Variants in NFASC observed in about 807,000 individuals in gnomAD.
NFASC encodes neurofascin, also known as neurofascin homolog.
In NFASC, 43 loss-of-function variants were observed where a neutral mutation model predicts 147.5. That is an observed-to-expected ratio of 0.29 (90% CI 0.23 to 0.38). The LOEUF (loss-of-function observed/expected upper bound fraction) is 0.38. Among genes scored for constraint, NFASC ranks in the 10% least tolerant of loss-of-function variants. The probability of loss-of-function intolerance (pLI) is 1.00; values close to 1 mark genes in which losing one functional copy is unlikely to be tolerated. For synonymous variants in NFASC, 622 were observed against 665.5 expected (o/e 0.93, Z 1.01); for missense variants, 1,320 against 1,689.0 (o/e 0.78, Z 3.83).
chr1:204,838,917 C>G (rs1207958757), intron 1 of NFASC, among the ~76,000 whole-genome samples: 5 of 152,202 alleles, frequency 3.3e-5, no homozygotes, highest in Non-Finnish European at 7.3e-5. Context: ...AAATGCCAAG[C>G]AAGAGGTAAG....
intron 2 of NFASC, among the ~76,000 whole-genome samples, chr1:204,939,040 GTGTGTGTGT>G (rs1216651544): frequency 1.7e-5 from 2 of 115,650 alleles, no homozygotes; most frequent in Non-Finnish European, 3.6e-5. Flanking sequence ...ATGGATGGAT[GTGTGTGTGT>G]GTGTGTGTGT....
chr1:204,846,306 A>G (rs1391742890), intron 1 of NFASC, among the ~76,000 whole-genome samples: 1 of 152,140 alleles, frequency 6.6e-6, no homozygotes, highest in Non-Finnish European at 1.5e-5. Flanking sequence ...GGGAATTGGA[A>G]TCCATTTCTC....
In NFASC at chr1:204,974,181, G is replaced by A. The variant is rs1326022819; in HGVS notation, c.1282G>A (p.Val428Met). The change falls in exon 13 of 30, where the codon GTG (valine) becomes ATG (methionine). Residue 428 changes from valine (V) to methionine (M), a missense_variant and splice_region_variant. Around this residue, in one of 3 missense-constraint regions of NFASC, gnomAD observed 981 missense variants for 1,289.5 expected, o/e 0.76. Coordinates refer to ENST00000339876, the MANE Select transcript of NFASC (RefSeq NM_001005388.3). ...GATTGCTTCTCTGGGAATTTCAGAT[G>A]TGCCGCCTCGGATGCTGTCGCCCCG... Reference protein sequence around the residue: ...LANAFVSVLDVPPRMLSPRNQ... With the variant: ...LANAFVSVLDMPPRMLSPRNQ... 1 of 1,613,268 alleles carries A rather than the reference G, an allele frequency of 6.2e-7. No individual in the cohort carries two copies.
At chr1:204,882,649 C>A (rs1047459001) in intron 1 of NFASC, among the ~76,000 whole-genome samples, 2 of 152,104 alleles carry the variant, frequency 1.3e-5, no homozygotes, top group African/African-American at 4.8e-5. Context: ...CTTGTTTACC[C>A]CTGAATCCCA....
intron 1 of NFASC, among the ~76,000 whole-genome samples, chr1:204,877,678 A>G (rs1250779782): frequency 1.3e-5 from 2 of 152,078 alleles, no homozygotes; most frequent in Non-Finnish European, 2.9e-5. Flanking sequence ...ATTTATCAAT[A>G]TATACTACAT....
intron 21 of NFASC, among the ~76,000 whole-genome samples, chr1:204,984,970 C>A (rs1297992360): frequency 6.6e-6 from 1 of 152,172 alleles, no homozygotes; most frequent in Non-Finnish European, 1.5e-5. Context: ...GCAAGAGAGG[C>A]TAGTCTCTTC....
chr1:204,995,102 A>G (rs547488763), intron 24 of NFASC, among the ~76,000 whole-genome samples: 58 of 152,318 alleles, frequency 3.8e-4, no homozygotes, highest in Admixed American at 7.2e-4. Context: ...CCTGGGTGAC[A>G]GAGCAAGATC....
At chr1:204,941,743 C>T (rs1267776846) in intron 2 of NFASC, among the ~76,000 whole-genome samples, 4 of 152,196 alleles carry the variant, frequency 2.6e-5, no homozygotes, top group Non-Finnish European at 5.9e-5. Flanking sequence ...CCTGTGATGC[C>T]TTCTAGCCAG....
chr1:205,017,552 A>G lies in NFASC; in HGVS notation c.*1013A>G, dbSNP rs2096371599. 6.5e-6 allele frequency: 1 copy of G among 152,806 alleles called. No homozygotes were observed. The highest frequency in any genetic ancestry group is 6.5e-5 in the Admixed American group (1 of 15,306). The allele number at this position is 152,806 out of a possible 1,614,324, so 9.5% of individuals were successfully genotyped here. A position where few individuals can be genotyped will look rare whatever the true frequency, so the allele number is the denominator to read the frequency against. ...AGAGGGCCACACCCACCCTGTCCAGAGTAGAGGGCACCTGTCCACGTGGCC... is the reference window on the plus strand; with the variant it reads ...AGAGGGCCACACCCACCCTGTCCAGGGTAGAGGGCACCTGTCCACGTGGCC... On this transcript the variant is annotated 3_prime_UTR_variant, in exon 30 of 30. Transcript: ENST00000339876.
At chr1:204,997,034 C>T (rs943883808) in intron 24 of NFASC, 136 bp from the exon 25 acceptor site, 16 of 1,357,296 alleles carry the variant, frequency 1.2e-5, no homozygotes, top group South Asian at 8.6e-5. Flanking sequence ...TGACCCAGTC[C>T]GTTATGCTTG....
At chr1:204,912,766 C>T (rs1020937674) in intron 1 of NFASC, among the ~76,000 whole-genome samples, 2 of 152,170 alleles carry the variant, frequency 1.3e-5, no homozygotes, top group African/African-American at 4.8e-5. Flanking sequence ...TGCCTGTAAT[C>T]CCAACACTTT....
chr1:204,977,299 T>C (rs1273486132), intron 16 of NFASC, among the ~76,000 whole-genome samples: 2 of 152,122 alleles, frequency 1.3e-5, no homozygotes, highest in East Asian at 3.9e-4. Context: ...GGACTGTAAA[T>C]ACTAAGCTAA....
chr1:204,908,944 C>T (rs530978598), intron 1 of NFASC, among the ~76,000 whole-genome samples: 1 of 152,172 alleles, frequency 6.6e-6, no homozygotes, highest in South Asian at 2.1e-4. Flanking sequence ...AGTAGTGTTC[C>T]ATGGTGTGGA....
chr1:204,943,907 A>C (rs1376389666), intron 2 of NFASC, among the ~76,000 whole-genome samples: 1 of 152,098 alleles, frequency 6.6e-6, no homozygotes, highest in Non-Finnish European at 1.5e-5. Flanking sequence ...TTCAGCTGGG[A>C]GTTTTGCCCT....
In NFASC at chr1:204,984,059, C is replaced by T. The variant is rs755160624; in HGVS notation, c.2470+2039C>T. On this transcript the variant is annotated intron_variant, in intron 21 of 29. Transcript: ENST00000339876. ...GGCTGCGCCCACTGAAGTTAAAGTC[C>T]GAGTCATGAACAGCACAGCCATCAG... 9.3e-6 allele frequency: 15 copies of T among 1,613,952 alleles called. No homozygotes were observed. The highest frequency in any genetic ancestry group is 7.6e-6 in the Non-Finnish European group (9 of 1,179,946).
At position 204,975,123 on chromosome 1, in the gene NFASC, T is replaced by C. The variant is rs1477403780; in HGVS notation, c.1559-148T>C. On this transcript the variant is annotated intron_variant, in intron 14 of 29. Coordinates refer to ENST00000339876, the MANE Select transcript of NFASC (RefSeq NM_001005388.3). The surrounding 1 kb of genome is among the most constrained non-coding windows in gnomAD (Gnocchi z 4.0). ...GCTTTGGGGATTACCCACCCAGAAC[T>C]CTGCTCCGTTCATACCATAGCATAC... 2.5e-5 allele frequency: 22 copies of C among 863,110 alleles called. No individual in the cohort carries two copies. The highest frequency in any genetic ancestry group is 7.0e-6 in the Non-Finnish European group (4 of 567,830). The allele number at this position is 863,110 out of a possible 1,614,324, so 53.5% of individuals were successfully genotyped here. A position where few individuals can be genotyped will look rare whatever the true frequency, so the allele number is the denominator to read the frequency against.
chr1:204,979,671 C>T lies in NFASC; in HGVS notation c.2176+112C>T. 1.0e-6 allele frequency: 1 copy of T among 956,434 alleles called. No homozygotes were observed. Among genetic ancestry groups the T allele is most frequent in the Non-Finnish European group, 1.7e-6 (1 of 593,074 alleles). The allele number at this position is 956,434 out of a possible 1,614,324, so 59.2% of individuals were successfully genotyped here. On this transcript the variant is annotated intron_variant, in intron 19 of 29. Coordinates refer to ENST00000339876, the MANE Select transcript of NFASC (RefSeq NM_001005388.3). This position sits in a 1 kb window ranked among gnomAD's most constrained non-coding sequence, Gnocchi z 6.0. ...CTTAGGTTACTTAACTTCTCCAAGGCCCGGCCTCATCTGTGAGGCAGAGAG... is the reference window on the plus strand; with the variant it reads ...CTTAGGTTACTTAACTTCTCCAAGGTCCGGCCTCATCTGTGAGGCAGAGAG...
At chr1:205,009,462 C>A (rs906778976) in intron 27 of NFASC, 95 bp from the exon 28 acceptor site, 2 of 1,346,054 alleles carry the variant, frequency 1.5e-6, no homozygotes, top group African/African-American at 2.8e-5. Context: ...GGAGAAACAT[C>A]CACATGAGAT....
chr1:204,918,883 C>G (rs745403857), intron 1 of NFASC, among the ~76,000 whole-genome samples: 2 of 151,918 alleles, frequency 1.3e-5, no homozygotes, highest in African/African-American at 2.4e-5. Context: ...ACTGTGCCCA[C>G]CCTCTTTGAA....
Sources: allele counts gnomAD v4.1 joint callset (sites outside exome capture counted in the v4.1 genomes callset), GRCh38; gene constraint gnomAD v4.1.1; regional missense constraint gnomAD v4.1.1; non-coding constraint Gnocchi (gnomAD v3.1); transcripts MANE v1.5; gene names NCBI Gene and HGNC (gene_info 2026-07-23, HGNC 2026-07-21).